Variants in CDHR5 observed in about 807,000 individuals in gnomAD.
CDHR5 encodes the protein cadherin related family member 5.
In CDHR5, 82 loss-of-function variants were observed where a neutral mutation model predicts 69.5. That is an observed-to-expected ratio of 1.18 (90% CI 0.99 to 1.42). The LOEUF (loss-of-function observed/expected upper bound fraction) is 1.42, where lower values mean the gene tolerates loss of function less well. Ranked by LOEUF, CDHR5 falls within the 40% of genes most tolerant of loss-of-function variation. The pLI, the probability that CDHR5 is intolerant of heterozygous loss-of-function variation, is 0.00. For synonymous variants in CDHR5, 601 were observed against 510.2 expected, an observed-to-expected ratio of 1.18 and a Z score of -2.40; for missense variants, 1,293 against 1,168.9, an observed-to-expected ratio of 1.11 and a Z score of -1.55.
Position 624,799 on chromosome 11 carries a change from T to A in CDHR5, c.85+19A>T. On this transcript the variant is annotated intron_variant, in intron 1 of 14. Coordinates refer to ENST00000397542, the MANE Select transcript of CDHR5 (RefSeq NM_021924.5). This position sits in a 1 kb window ranked among gnomAD's most constrained non-coding sequence, Gnocchi z 5.3. ...GGCTCCCCGCCGCCCGTGCCCCACC[T>A]ACCCCTGCCCGCACATACACTGGGC... 6.2e-7 allele frequency: 1 copy of A among 1,608,444 alleles called. No homozygotes were observed. Among genetic ancestry groups the A allele is most frequent in the Non-Finnish European group, 8.5e-7 (1 of 1,177,114 alleles).
At position 623,844 on chromosome 11, in the gene CDHR5, C is replaced by T. The variant is rs527997823; in HGVS notation, c.312+369G>A. Among the ~76,000 whole-genome samples the T allele has an allele frequency of 1.3e-4, 19 of 151,522 alleles. No individual in the cohort carries two copies. In the South Asian group the frequency reaches 4.0e-3, roughly 32 times the overall value. ...GTGGACAGACTCTGGATTTCTGGGTCGAGCTGGGGCACAGCCAACAGATTT... is the reference window on the plus strand; with the variant it reads ...GTGGACAGACTCTGGATTTCTGGGTTGAGCTGGGGCACAGCCAACAGATTT... On this transcript the variant is annotated intron_variant, in intron 3 of 14. Transcript: ENST00000397542.
chr11:621,354 C>T lies in CDHR5; in HGVS notation c.609G>A (p.Leu203=). The T allele has an allele frequency of 1.2e-6, 2 of 1,613,210 alleles. No homozygotes were observed. The highest frequency in any genetic ancestry group is 2.2e-5 in the East Asian group (1 of 44,870). Residue 203 remains leucine, a synonymous_variant, in exon 6 of 15, where the codon CTG becomes CTA. Transcript: ENST00000397542. The surrounding 1 kb of genome is among the most constrained non-coding windows in gnomAD (Gnocchi z 4.4). ...FYERPNMTFW[L]LVRDTPGENV... ...GGGGTGACCTGCTCACCCGCACCAGCAGCCAGAAGGTCATGTTCGGCCGCT... is the reference window on the plus strand; with the variant it reads ...GGGGTGACCTGCTCACCCGCACCAGTAGCCAGAAGGTCATGTTCGGCCGCT...
chr11:624,534 T>TC lies in CDHR5; in HGVS notation c.261+22dup. The TC allele has an allele frequency of 8.1e-6, 13 of 1,605,994 alleles. No individual in the cohort carries two copies. The highest frequency in any genetic ancestry group is 1.1e-5 in the Non-Finnish European group (13 of 1,174,700). On this transcript the variant is annotated intron_variant, in intron 2 of 14. Transcript: ENST00000397542. The surrounding 1 kb of genome is among the most constrained non-coding windows in gnomAD (Gnocchi z 5.3). ...GTGCCCTTCTCCCGGGACCCCCATA[T>TC]CCCGCCCGCCTGCCGCCCACACCTC...
chr11:619,257 G>T, intron 12 of CDHR5, 49 bp downstream of exon 12: 1 of 1,511,346 alleles, frequency 6.6e-7, no homozygotes. Context: ...AGCCACCGAA[G>T]GGGCTTATTT....
Position 618,629 on chromosome 11 carries a change from T to G in CDHR5, c.1930A>C (p.Met644Leu). ...GATGGGGTGCTCTTGCTGAGGGGCA[T>G]CGGCTGAGAGGTTCCTGGCTCTGGG... Reference protein sequence around the residue: ...QTPEPGTSQPMPLSKSTPSSG... With the variant: ...QTPEPGTSQPLPLSKSTPSSG... Residue 644 changes from methionine to leucine, a missense_variant, in exon 13 of 15, where the codon ATG becomes CTG. By Grantham distance (15) the Met-to-Leu change is conservative. Coordinates refer to ENST00000397542, the MANE Select transcript of CDHR5 (RefSeq NM_021924.5). 1 of 1,613,836 alleles carries G rather than the reference T, an allele frequency of 6.2e-7. No homozygotes were observed. Among genetic ancestry groups the G allele is most frequent in the South Asian group, 1.1e-5 (1 of 90,994 alleles).
At position 619,143 on chromosome 11, in the gene CDHR5, C is replaced by A; in HGVS notation, c.1416G>T (p.Gly472=). Residue 472 remains glycine, a synonymous_variant, in exon 13 of 15, where the codon GGG becomes GGT. Coordinates refer to ENST00000397542, the MANE Select transcript of CDHR5 (RefSeq NM_021924.5). The part of the protein sequence containing the change: ...PPSPEAGGTT[G]PWTSTTSEVP... ...CCTCGGAAGTGGTGCTGGTCCAGGGCCCAGTTGTTCCTCCAGCCTCTGGGG... is the reference window on the plus strand; with the variant it reads ...CCTCGGAAGTGGTGCTGGTCCAGGGACCAGTTGTTCCTCCAGCCTCTGGGG... The A allele has an allele frequency of 6.4e-7, 1 of 1,571,880 alleles. No homozygotes were observed. The highest frequency in any genetic ancestry group is 8.6e-7 in the Non-Finnish European group (1 of 1,161,072).
rs377568739 is a variant in CDHR5 at position 619,932 on chromosome 11, C to A, written c.979-51G>T. The A allele has an allele frequency of 3.4e-6, 5 of 1,465,838 alleles. No homozygotes were observed. The South Asian group carries it at 6.4e-5, about 19-fold the overall frequency. The allele number at this position is 1,465,838 out of a possible 1,614,324, so 90.8% of individuals were successfully genotyped here. A position where few individuals can be genotyped will look rare whatever the true frequency, so the allele number is the denominator to read the frequency against. ...CTAGTGGGGTTGAAGGTGGAGCTGG[C>A]GCTGAAGGCTGGGGCTCAGGAAAGG... On this transcript the variant is annotated intron_variant, in intron 9 of 14. Coordinates refer to ENST00000397542, the MANE Select transcript of CDHR5 (RefSeq NM_021924.5).
At chr11:619,213 C>G (rs768455203) in intron 12 of CDHR5, 33 bp from the exon 13 acceptor site, 3 of 1,472,802 alleles carry the variant, frequency 2.0e-6, no homozygotes, top group South Asian at 2.5e-5. Flanking sequence ...GGGCTTGCCT[C>G]TGCCCGCCCC....
In CDHR5 at chr11:624,407, GC is replaced by G; in HGVS notation, c.262-145del. On this transcript the variant is annotated intron_variant, in intron 2 of 14. Transcript: ENST00000397542. This position sits in a 1 kb window ranked among gnomAD's most constrained non-coding sequence, Gnocchi z 5.3. The stretch of plus-strand genomic sequence containing the variant: ...GCCCAGGCAGCTTCATCCCGAAATG[GC>G]CCAGCCTTCTAGGGCAGGCACCACC... 1 of 846,132 alleles carries G rather than the reference GC, an allele frequency of 1.2e-6. No homozygotes were observed. The highest frequency in any genetic ancestry group is 2.0e-6 in the Non-Finnish European group (1 of 498,742). 52.4% of individuals were successfully genotyped at this position (846,132 alleles called of 1,614,324 possible).
Position 617,603 on chromosome 11 carries a change from G to C in CDHR5, c.2286C>G (p.Pro762=). 1.9e-6 allele frequency: 3 copies of C among 1,603,006 alleles called. No homozygotes were observed. Among genetic ancestry groups the C allele is most frequent in the Non-Finnish European group, 2.6e-6 (3 of 1,175,198 alleles). The change falls in exon 15 of 15, where the codon CCC becomes CCG. Residue 762 remains proline (P), a synonymous_variant. Coordinates refer to ENST00000397542, the MANE Select transcript of CDHR5 (RefSeq NM_021924.5). ...PASPGGAPEP[P]AAARAGGSPT... ...GGCTTCCGCCAGCTCGGGCCGCTGCGGGGGGCTCAGGGGCACCGCCTGGGG... is the reference window on the plus strand; with the variant it reads ...GGCTTCCGCCAGCTCGGGCCGCTGCCGGGGGCTCAGGGGCACCGCCTGGGG...
chr11:617,698 TGGGGACG>T lies in CDHR5; in HGVS notation c.2184_2190del (p.Val729AlafsTer44). 1 of 1,464,738 alleles carries T rather than the reference TGGGGACG, an allele frequency of 6.8e-7. No individual in the cohort carries two copies. Among genetic ancestry groups the T allele is most frequent in the Non-Finnish European group, 9.0e-7 (1 of 1,115,602 alleles). 90.7% of individuals were successfully genotyped at this position (1,464,738 alleles called of 1,614,324 possible). On this transcript the variant is annotated frameshift_variant, in exon 15 of 15. Coordinates refer to ENST00000397542, the MANE Select transcript of CDHR5 (RefSeq NM_021924.5). LOFTEE classifies it low-confidence loss of function (END_TRUNC). ...GCGGGCTTGGGGTCGTGCGTGGGGC[TGGGGACG>T]GGCGCCCAGTTGGCCTTGTGGTCAG...
At position 619,190 on chromosome 11, in the gene CDHR5, G is replaced by A. The variant is rs747358180; in HGVS notation, c.1379-10C>T. ...GGGGATGGGGGGACATCTGGGGGCC[G>A]GGAACAGTGCTTGGGCTTGCCTCTG... On this transcript the variant is annotated splice_polypyrimidine_tract_variant and intron_variant, in intron 12 of 14. Coordinates refer to ENST00000397542, the MANE Select transcript of CDHR5 (RefSeq NM_021924.5). 1.0e-4 allele frequency: 154 copies of A among 1,509,622 alleles called. No individual in the cohort carries two copies. The highest frequency in any genetic ancestry group is 1.2e-4 in the Non-Finnish European group (132 of 1,118,856). The allele number at this position is 1,509,622 out of a possible 1,614,324, so 93.5% of individuals were successfully genotyped here. A position where few individuals can be genotyped will look rare whatever the true frequency, so the allele number is the denominator to read the frequency against.
chr11:620,358 G>A lies in CDHR5; in HGVS notation c.818C>T (p.Pro273Leu). The A allele has an allele frequency of 1.9e-6, 3 of 1,610,880 alleles. No homozygotes were observed. The highest frequency in any genetic ancestry group is 1.7e-6 in the Non-Finnish European group (2 of 1,177,914). Residue 273 changes from proline to leucine, a missense_variant, in exon 8 of 15, where the codon CCC (proline) becomes CTC (leucine). Physicochemically the swap from Pro to Leu is moderately conservative, Grantham distance 98 (BLOSUM62 -3). Transcript: ENST00000397542. ...LPSPLVLRPG[P>L]IYAEDGDRGI... is the part of the protein sequence containing the mutation. ...GCGGTCTCCGTCCTCAGCGTAGATGGGTCCGGGACGCAGGACGAGGGGAGA... is the reference window on the plus strand; with the variant it reads ...GCGGTCTCCGTCCTCAGCGTAGATGAGTCCGGGACGCAGGACGAGGGGAGA...
chr11:620,044 C>CCCGCAGGG (rs1564896894), intron 9 of CDHR5, 23 bp downstream of exon 9: 1 of 1,562,754 alleles, frequency 6.4e-7, no homozygotes, highest in Admixed American at 1.8e-5. Context: ...CTGCCCTGCC[C>CCCGCAGGG]CCCATGCAGG....
At chr11:622,885 G>A (rs932598538) in intron 3 of CDHR5, among the ~76,000 whole-genome samples, 1 of 152,134 alleles carries the variant, frequency 6.6e-6, no homozygotes, top group Non-Finnish European at 1.5e-5. Context: ...GTCTCTGAAG[G>A]GTTTTTTAAC....
rs1554924683 is a variant in CDHR5 at position 619,711 on chromosome 11, C to T, written c.1149G>A (p.Leu383=). ...VKDAAAPSQP[L]RIQAQDPEFS... is the part of the protein sequence containing the mutation. The stretch of plus-strand genomic sequence containing the variant: ...ACTCCGGGTCCTGAGCCTGGATCCT[C>T]AGAGGCTGAGAAGGGGCAGCTGCAT... The change falls in exon 10 of 15, where the codon CTG becomes CTA. Residue 383 remains leucine (L), a synonymous_variant. Transcript: ENST00000397542. The T allele has an allele frequency of 3.1e-6, 5 of 1,613,220 alleles. No individual in the cohort carries two copies. Among genetic ancestry groups the T allele is most frequent in the Non-Finnish European group, 4.2e-6 (5 of 1,179,996 alleles).
chr11:622,304 C>T (rs1771283565), intron 3 of CDHR5, among the ~76,000 whole-genome samples: 1 of 152,042 alleles, frequency 6.6e-6, no homozygotes, highest in South Asian at 2.1e-4. Flanking sequence ...TAACAACAGA[C>T]AAAAAGGACT....
At position 624,237 on chromosome 11, in the gene CDHR5, C is replaced by A; in HGVS notation, c.288G>T (p.Leu96=). 1 of 770,958 alleles carries A rather than the reference C, an allele frequency of 1.3e-6. No homozygotes were observed. Among genetic ancestry groups the A allele is most frequent in the African/African-American group, 1.7e-5 (1 of 59,150 alleles). 47.8% of individuals were successfully genotyped at this position (770,958 alleles called of 1,614,324 possible). A position where few individuals can be genotyped will look rare whatever the true frequency, so the allele number is the denominator to read the frequency against. The change falls in exon 3 of 15, where the codon CTG becomes CTT. Residue 96 remains leucine (L), a synonymous_variant. Coordinates refer to ENST00000397542, the MANE Select transcript of CDHR5 (RefSeq NM_021924.5). This position sits in a 1 kb window ranked among gnomAD's most constrained non-coding sequence, Gnocchi z 5.3. The part of the protein sequence containing the change: ...YEEKSLLEAQ[L]LCQSGGTLVT... ...CCAATGTGCCTCCGCTCTGACACAGCAGCTGAGCCTCAAGCAGTGACTTCT... is the reference window on the plus strand; with the variant it reads ...CCAATGTGCCTCCGCTCTGACACAGAAGCTGAGCCTCAAGCAGTGACTTCT...
chr11:620,140 A>G lies in CDHR5; in HGVS notation c.905T>C (p.Ile302Thr), dbSNP rs753367982. 6.2e-7 allele frequency: 1 copy of G among 1,613,480 alleles called. No homozygotes were observed. The highest frequency in any genetic ancestry group is 8.5e-7 in the Non-Finnish European group (1 of 1,179,766). ...GGTGAGGTTGCCCGAGTCTGGGTGG[A>G]TGATGAATGTACCATTCACGTTTCC... Reference protein sequence around the residue: ...FRGNVNGTFIIHPDSGNLTVA... With the variant: ...FRGNVNGTFITHPDSGNLTVA... Residue 302 changes from isoleucine to threonine, a missense_variant, in exon 9 of 15, where the codon ATC becomes ACC. Transcript: ENST00000397542.
Sources: allele counts gnomAD v4.1 joint callset (sites outside exome capture counted in the v4.1 genomes callset), GRCh38; gene constraint gnomAD v4.1.1; non-coding constraint Gnocchi (gnomAD v3.1); transcripts MANE v1.5; gene names NCBI Gene and HGNC (gene_info 2026-07-23, HGNC 2026-07-21).